FBXW11: variants seen among roughly 807,000 people sequenced by gnomAD.
FBXW11 encodes the protein F-box and WD repeat domain containing 11, also known as F-box/WD repeat-containing protein 11.
A neutral mutation model predicts 77.6 loss-of-function variants in FBXW11; 19 were observed. The ratio of observed to expected loss-of-function variants is 0.24; its 90% CI spans 0.17 to 0.36. The LOEUF (loss-of-function observed/expected upper bound fraction) is 0.36, where lower values mean the gene tolerates loss of function less well. Among genes scored for constraint, FBXW11 ranks in the 10% least tolerant of loss-of-function variants. The pLI, the probability that FBXW11 is intolerant of heterozygous loss-of-function variation, is 1.00. For missense variants in FBXW11, 334 were observed against 704.2 expected, an observed-to-expected ratio of 0.47 and a Z score of 5.95; for synonymous variants, 235 against 249.4, an observed-to-expected ratio of 0.94 and a Z score of 0.54.
chr5:171,975,440 G>A (rs143710990), intron 1 of FBXW11, among the ~76,000 whole-genome samples: 27 of 152,296 alleles, frequency 1.8e-4, no homozygotes, highest in African/African-American at 5.1e-4. Context: ...GCTCTCTCGA[G>A]TGCTGCTGGC....
chr5:171,901,923 T>G (rs190399132), intron 4 of FBXW11, among the ~76,000 whole-genome samples: 2 of 152,308 alleles, frequency 1.3e-5, no homozygotes, highest in East Asian at 3.9e-4. Context: ...GCTAAAGTAC[T>G]AAGGCAAACA....
chr5:171,969,521 C>T (rs1238828922), intron 1 of FBXW11, among the ~76,000 whole-genome samples: 2 of 152,028 alleles, frequency 1.3e-5, no homozygotes, highest in African/African-American at 4.8e-5. Context: ...CTTTGATAGA[C>T]AAAAATTCTC....
chr5:171,995,481 T>C (rs1372986168), intron 1 of FBXW11, among the ~76,000 whole-genome samples: 4 of 152,108 alleles, frequency 2.6e-5, no homozygotes, highest in African/African-American at 7.2e-5. Flanking sequence ...GGGCCAGGCG[T>C]GATGGCTCAC....
chr5:171,921,951 C>G (rs987464421), intron 2 of FBXW11, among the ~76,000 whole-genome samples: 1 of 151,976 alleles, frequency 6.6e-6, no homozygotes, highest in African/African-American at 2.4e-5. Context: ...GTTGCTCAAG[C>G]TGATCTCAAA....
At chr5:171,927,009 C>A (rs1263375505) in intron 2 of FBXW11, among the ~76,000 whole-genome samples, 2 of 151,292 alleles carry the variant, frequency 1.3e-5, no homozygotes, top group African/African-American at 2.4e-5. Flanking sequence ...CACATGCATA[C>A]AAAGAAATAC....
At chr5:171,928,648 T>G (rs1762010489) in intron 2 of FBXW11, among the ~76,000 whole-genome samples, 1 of 152,252 alleles carries the variant, frequency 6.6e-6, no homozygotes, top group South Asian at 2.1e-4. Context: ...AACACTCAGA[T>G]AACTTCCTCA....
At chr5:171,878,591 TAAGAGAGAGAGA>T (rs1299823536) in intron 7 of FBXW11, among the ~76,000 whole-genome samples, 6 of 95,464 alleles carry the variant, frequency 6.3e-5, no homozygotes, top group African/African-American at 1.3e-4. Flanking sequence ...TGTGTGTGTG[TAAGAGAGAGAGA>T]GTGTGTGTGT....
At chr5:171,983,063 C>T (rs988121920) in intron 1 of FBXW11, among the ~76,000 whole-genome samples, 1 of 152,046 alleles carries the variant, frequency 6.6e-6, no homozygotes, top group Non-Finnish European at 1.5e-5. Flanking sequence ...TAACCGAGTG[C>T]ACACCTGTGA....
intron 4 of FBXW11, among the ~76,000 whole-genome samples, chr5:171,905,073 C>A (rs897297566): frequency 2.0e-5 from 3 of 152,170 alleles, no homozygotes; most frequent in African/African-American, 7.2e-5. Flanking sequence ...AATTAAGCAA[C>A]ATCTCAGTGA....
intron 7 of FBXW11, among the ~76,000 whole-genome samples, chr5:171,887,335 T>C (rs1207296038): frequency 6.6e-6 from 1 of 152,158 alleles, no homozygotes; most frequent in Non-Finnish European, 1.5e-5. Flanking sequence ...AGAGTGCGTT[T>C]GACCTAGGTA....
chr5:171,988,050 G>A (rs567656623), intron 1 of FBXW11, among the ~76,000 whole-genome samples: 1 of 152,282 alleles, frequency 6.6e-6, no homozygotes, highest in Non-Finnish European at 1.5e-5. Flanking sequence ...AGGTCCCTTA[G>A]ATTTGGAAAA....
At chr5:171,942,316 G>A (rs1285866240) in intron 2 of FBXW11, among the ~76,000 whole-genome samples, 5 of 151,490 alleles carry the variant, frequency 3.3e-5, no homozygotes, top group Non-Finnish European at 7.4e-5. Flanking sequence ...TCAGAATGAT[G>A]CATTGCCTTT....
chr5:171,919,690 T>C (rs1208513008), intron 2 of FBXW11, among the ~76,000 whole-genome samples: 1 of 152,222 alleles, frequency 6.6e-6, no homozygotes, highest in Non-Finnish European at 1.5e-5. Context: ...GGGGGAACCA[T>C]AGCTCAGAAA....
chr5:171,879,825 T>C (rs1399329613), intron 7 of FBXW11, among the ~76,000 whole-genome samples: 5 of 152,242 alleles, frequency 3.3e-5, no homozygotes, highest in East Asian at 1.9e-4. Context: ...TTTCTTACTG[T>C]TGAGATTCAA....
At chr5:171,902,510 G>T (rs1398209924) in intron 4 of FBXW11, among the ~76,000 whole-genome samples, 2 of 152,124 alleles carry the variant, frequency 1.3e-5, no homozygotes, top group Non-Finnish European at 2.9e-5. Flanking sequence ...TCTTTTCAGA[G>T]GCTGATTAGC....
intron 1 of FBXW11, among the ~76,000 whole-genome samples, chr5:171,994,134 T>C (rs767800344): frequency 1.3e-5 from 2 of 152,238 alleles, no homozygotes; most frequent in African/African-American, 2.4e-5. Context: ...AATCAGAATA[T>C]ATAGTTTTAG....
At chr5:171,892,534 G>C (rs139545066) in intron 6 of FBXW11, among the ~76,000 whole-genome samples, 23 of 152,118 alleles carry the variant, frequency 1.5e-4, no homozygotes, top group African/African-American at 5.1e-4. Context: ...CACACAGAAC[G>C]TAAGAAGATC....
At position 171,873,002 on chromosome 5, in the gene FBXW11, A is replaced by AT. The variant is rs779546687; in HGVS notation, c.1222-13dup. The AT allele has an allele frequency of 2.5e-6, 4 of 1,599,510 alleles. No individual in the cohort carries two copies. Among genetic ancestry groups the AT allele is most frequent in the Non-Finnish European group, 2.6e-6 (3 of 1,167,832 alleles). On this transcript the variant is annotated splice_polypyrimidine_tract_variant and intron_variant, in intron 9 of 13. Transcript: ENST00000517395. ...CTCGTGCTCCAGACCTGTATAACAAATTAACAGTATTTTAAAGAATGAACA... is the reference window on the plus strand; with the variant it reads ...CTCGTGCTCCAGACCTGTATAACAAATTTAACAGTATTTTAAAGAATGAACA...
chr5:171,977,371 G>A (rs1403292032), intron 1 of FBXW11, among the ~76,000 whole-genome samples: 2 of 151,756 alleles, frequency 1.3e-5, no homozygotes, highest in Non-Finnish European at 2.9e-5. Context: ...AGAAATCTCT[G>A]TTCTTTATAA....
Sources: gnomAD v4.1 joint callset for allele counts (sites outside exome capture counted in the v4.1 genomes callset) on GRCh38, gnomAD v4.1.1 for gene constraint, MANE v1.5 for transcripts, NCBI Gene and HGNC (gene_info 2026-07-23, HGNC 2026-07-21) for gene names.